Variants in SLF1 observed in about 807,000 individuals in gnomAD.
SLF1 encodes SMC5-SMC6 complex localization factor protein 1.
SLF1 carries 105 observed loss-of-function variants against 123.0 expected under a neutral mutation model. That is an observed-to-expected ratio of 0.85 (90% CI 0.73 to 1.00). The LOEUF (loss-of-function observed/expected upper bound fraction) is 1.00. Among genes scored for constraint, SLF1 ranks in the 50% least tolerant of loss-of-function variants. The pLI, the probability that SLF1 is intolerant of heterozygous loss-of-function variation, is 0.00. For missense variants in SLF1, 1,239 were observed against 1,223.0 expected (o/e 1.01, Z -0.20); for synonymous variants, 434 against 406.6 (o/e 1.07, Z -0.81).
intron 4 of SLF1, among the ~76,000 whole-genome samples, chr5:94,638,267 C>T (rs1018248671): frequency 4.6e-5 from 7 of 152,260 alleles, no homozygotes; most frequent in Non-Finnish European, 8.8e-5. Context: ...CAACCTCCAC[C>T]TCCCGGGTTC....
chr5:94,665,379 T>C (rs1465127718), intron 11 of SLF1, among the ~76,000 whole-genome samples: 1 of 152,152 alleles, frequency 6.6e-6, no homozygotes, highest in Non-Finnish European at 1.5e-5. Flanking sequence ...TGTCTCTCAG[T>C]TGCTTTATTT....
intron 5 of SLF1, among the ~76,000 whole-genome samples, chr5:94,643,944 C>T (rs887516240): frequency 1.3e-5 from 2 of 151,932 alleles, no homozygotes; most frequent in Non-Finnish European, 2.9e-5. Flanking sequence ...CCAAAAACGA[C>T]CTTGTTATAG....
At chr5:94,688,729 C>G (rs1562912) in intron 17 of SLF1, 60 bp downstream of exon 17, 2 of 1,561,864 alleles carry the variant, frequency 1.3e-6, no homozygotes, top group Non-Finnish European at 1.8e-6. Flanking sequence ...TTCTCTGATG[C>G]ATTTCTTGAA....
chr5:94,671,502 G>A (rs919174079), intron 14 of SLF1, among the ~76,000 whole-genome samples: 1 of 151,676 alleles, frequency 6.6e-6, no homozygotes, highest in Non-Finnish European at 1.5e-5. Context: ...CCATCTCAAG[G>A]ATAATAGCGT....
chr5:94,642,645 T>C (rs946471617), intron 4 of SLF1, among the ~76,000 whole-genome samples: 1 of 152,202 alleles, frequency 6.6e-6, no homozygotes. Context: ...TAGCCTCTCT[T>C]GTGGCTTTCT....
chr5:94,656,002 A>T (rs894601696), intron 9 of SLF1, among the ~76,000 whole-genome samples: 2 of 151,966 alleles, frequency 1.3e-5, no homozygotes, highest in East Asian at 3.9e-4. Flanking sequence ...AAAAGTTGTA[A>T]AAGTAGGCAT....
Position 94,619,071 on chromosome 5 carries a change from G to A in SLF1, c.-1+306G>A, listed in dbSNP as rs529727396. On this transcript the variant is annotated intron_variant, in intron 1 of 20. Coordinates refer to ENST00000265140, the MANE Select transcript of SLF1 (RefSeq NM_032290.4). ...AGTACTGGGCTGAGCCACTTCCCCC[G>A]CTTCTGCTTGCGCAGCTCTGCCGCT... Among the ~76,000 whole-genome samples, 35 of 152,144 alleles carry A rather than the reference G, an allele frequency of 2.3e-4. 1 individual carries two copies. Among genetic ancestry groups the A allele is most frequent in the African/African-American group, 8.4e-4 (35 of 41,536 alleles).
At chr5:94,653,215 G>A (rs1747959114) in intron 7 of SLF1, 57 bp from the exon 8 acceptor site, 2 of 1,415,772 alleles carry the variant, frequency 1.4e-6, no homozygotes, top group African/African-American at 1.5e-5. Flanking sequence ...AGTTTATTTG[G>A]ATTTTGTAAC....
intron 4 of SLF1, among the ~76,000 whole-genome samples, chr5:94,634,603 A>G (rs1035779170): frequency 1.3e-5 from 2 of 152,140 alleles, no homozygotes; most frequent in Non-Finnish European, 2.9e-5. Context: ...TGGTTTTATA[A>G]CTTGACTGTC....
intron 4 of SLF1, among the ~76,000 whole-genome samples, chr5:94,637,701 A>C (rs1167139615): frequency 6.6e-6 from 1 of 151,974 alleles, no homozygotes; most frequent in Admixed American, 6.5e-5. Context: ...TCTGTACTTT[A>C]ATGAAGTACA....
At position 94,653,388 on chromosome 5, in the gene SLF1, T is replaced by G. The variant is rs1561444230; in HGVS notation, c.999T>G (p.Ser333Arg). The G allele has an allele frequency of 6.6e-7, 1 of 1,524,106 alleles. No individual in the cohort carries two copies. Among genetic ancestry groups the G allele is most frequent in the Admixed American group, 2.4e-5 (1 of 41,806 alleles). The allele number at this position is 1,524,106 out of a possible 1,614,324, so 94.4% of individuals were successfully genotyped here. ...GCGTTGAACATGAAAAAATAAAAAG[T>G]ACCTTAAGAAGGCACATATATAATA... ...KKGVEHEKIK[S>R]TLRRHIYNRD... The change falls in exon 8 of 21, where the codon AGT becomes AGG. Residue 333 changes from serine (S) to arginine (R), a missense_variant. By Grantham distance (110) the Ser-to-Arg change is moderately radical. Transcript: ENST00000265140.
rs1373540675 is a variant in SLF1, at chr5:94,654,734, G to A, written c.1137G>A (p.Lys379=). Residue 379 remains lysine (K), a synonymous_variant, in exon 9 of 21, where the codon AAG becomes AAA. Transcript: ENST00000265140. ...DVVEIKNTLR[K]HIYRAQAVRY... Reference sequence around the variant, plus strand: ...TTGAAATAAAAAATACCTTAAGGAAGCACATATATAGAGCTCAGGTAAAAC... The same window carrying A: ...TTGAAATAAAAAATACCTTAAGGAAACACATATATAGAGCTCAGGTAAAAC... 2.0e-6 allele frequency: 3 copies of A among 1,536,926 alleles called. No homozygotes were observed. The highest frequency in any genetic ancestry group is 1.8e-6 in the Non-Finnish European group (2 of 1,139,530).
intron 1 of SLF1, among the ~76,000 whole-genome samples, chr5:94,623,968 C>T (rs1260286111): frequency 1.3e-5 from 2 of 152,054 alleles, no homozygotes; most frequent in Admixed American, 6.5e-5. Flanking sequence ...ATATCATGTG[C>T]TGTAAAAAAG....
chr5:94,620,516 A>T (rs574686334), intron 1 of SLF1, among the ~76,000 whole-genome samples: 3 of 152,340 alleles, frequency 2.0e-5, no homozygotes, highest in African/African-American at 4.8e-5. Context: ...AACCAATAGT[A>T]TAGCTTTTAT....
chr5:94,667,968 C>A (rs968746912), intron 12 of SLF1, among the ~76,000 whole-genome samples: 1 of 151,668 alleles, frequency 6.6e-6, no homozygotes, highest in Non-Finnish European at 1.5e-5. Flanking sequence ...GGCTGGTCTC[C>A]ACCACTTGAG....
intron 6 of SLF1, among the ~76,000 whole-genome samples, chr5:94,649,927 C>T (rs1293355805): frequency 1.3e-5 from 2 of 151,810 alleles, no homozygotes; most frequent in Non-Finnish European, 1.5e-5. Flanking sequence ...TTTTTCTTAC[C>T]TGAGAGCACA....
intron 16 of SLF1, 65 bp downstream of exon 16, chr5:94,686,783 T>G: frequency 6.9e-7 from 1 of 1,446,636 alleles, no homozygotes; most frequent in South Asian, 1.3e-5. Flanking sequence ...TCAATTTTAT[T>G]TATTTAGTTA....
At chr5:94,642,261 G>C (rs1187831031) in intron 4 of SLF1, among the ~76,000 whole-genome samples, 1 of 152,190 alleles carries the variant, frequency 6.6e-6, no homozygotes, top group African/African-American at 2.4e-5. Flanking sequence ...GTCAAGGAGA[G>C]CTCCCTGCAT....
At chr5:94,661,251 A>G (rs1022746736) in intron 9 of SLF1, among the ~76,000 whole-genome samples, 3 of 152,170 alleles carry the variant, frequency 2.0e-5, no homozygotes, top group Non-Finnish European at 4.4e-5. Flanking sequence ...GCAGGAATTC[A>G]TGGTGGGAAT....
Sources: allele counts gnomAD v4.1 joint callset (sites outside exome capture counted in the v4.1 genomes callset), GRCh38; gene constraint gnomAD v4.1.1; transcripts MANE v1.5; gene names NCBI Gene and HGNC (gene_info 2026-07-23, HGNC 2026-07-21).